Variants in DNAAF5 observed in about 807,000 individuals in gnomAD.
DNAAF5 encodes dynein axonemal assembly factor 5, also known as HEAT repeat containing 2.
A neutral mutation model predicts 75.8 loss-of-function variants in DNAAF5; 64 were observed. That is an observed-to-expected ratio of 0.84 (90% CI 0.69 to 1.04). The LOEUF is 1.04. Ranked by LOEUF, DNAAF5 falls within the 50% of genes least tolerant of loss-of-function variation. DNAAF5 has a pLI of 0.00. For synonymous variants in DNAAF5, 657 were observed against 557.2 expected, an observed-to-expected ratio of 1.18 and a Z score of -2.52; for missense variants, 1,269 against 1,178.5, an observed-to-expected ratio of 1.08 and a Z score of -1.12.
chr7:755,600 C>G (rs371374516), intron 5 of DNAAF5, among the ~76,000 whole-genome samples: 1 of 152,158 alleles, frequency 6.6e-6, no homozygotes, highest in South Asian at 2.1e-4. Flanking sequence ...AGCGTAGTGG[C>G]GTGCACCTGT....
chr7:741,248 C>A (rs776501019), intron 3 of DNAAF5, 99 bp from the exon 4 acceptor site: 7 of 886,048 alleles, frequency 7.9e-6, no homozygotes, highest in Non-Finnish European at 1.2e-5. Flanking sequence ...CCCGCTCTCA[C>A]GCAATGGGGT....
At chr7:776,291 G>A (rs1490238057) in intron 11 of DNAAF5, among the ~76,000 whole-genome samples, 1 of 151,896 alleles carries the variant, frequency 6.6e-6, no homozygotes, top group Non-Finnish European at 1.5e-5. Flanking sequence ...AGCCAAGATC[G>A]CACCATTGCA....
At chr7:741,765 G>T (rs949712791) in intron 4 of DNAAF5, among the ~76,000 whole-genome samples, 3 of 152,152 alleles carry the variant, frequency 2.0e-5, no homozygotes, top group African/African-American at 4.8e-5. Flanking sequence ...GATGGTGTCC[G>T]CCCCCCTCCG....
At position 745,690 on chromosome 7, in the gene DNAAF5, T is replaced by C. The variant is rs199890448; in HGVS notation, c.1024+4225T>C. 3.5e-5 allele frequency among the ~76,000 whole-genome samples: 4 copies of C among 113,076 alleles called. No individual in the cohort carries two copies. In the East Asian group the frequency reaches 1.1e-3, roughly 31 times the overall value. The allele number at this position is 113,076 out of a possible 152,430, so 74.2% of individuals were successfully genotyped here. A position where few individuals can be genotyped will look rare whatever the true frequency, so the allele number is the denominator to read the frequency against. On this transcript the variant is annotated intron_variant, in intron 4 of 12. Transcript: ENST00000297440. ...ACACACGTGTACACACATATACACATCTGCACACGTGTGTACATGCATATC... is the reference window on the plus strand; with the variant it reads ...ACACACGTGTACACACATATACACACCTGCACACGTGTGTACATGCATATC...
intron 1 of DNAAF5, among the ~76,000 whole-genome samples, chr7:728,064 A>G (rs1781422883): frequency 6.6e-6 from 1 of 151,842 alleles, no homozygotes; most frequent in South Asian, 2.1e-4. Flanking sequence ...GGCTTGGACC[A>G]CTGTCCTAAG....
chr7:752,167 C>A (rs1447760669), intron 4 of DNAAF5, among the ~76,000 whole-genome samples: 1 of 152,206 alleles, frequency 6.6e-6, no homozygotes, highest in Non-Finnish European at 1.5e-5. Flanking sequence ...TTAATGGCAT[C>A]TTTTAATAAG....
chr7:750,826 G>C (rs1782268992), intron 4 of DNAAF5: 1 of 167,000 alleles, frequency 6.0e-6, no homozygotes, highest in Non-Finnish European at 1.5e-5. Flanking sequence ...CCCCTCCCCG[G>C]CTGTTCCTGG....
intron 2 of DNAAF5, among the ~76,000 whole-genome samples, chr7:740,342 C>G (rs1271616391): frequency 1.3e-5 from 2 of 152,218 alleles, no homozygotes; most frequent in Non-Finnish European, 2.9e-5. Flanking sequence ...TCCAGAGTCC[C>G]TGGGCTCTGG....
At chr7:767,172 G>T (rs953444732) in intron 8 of DNAAF5, among the ~76,000 whole-genome samples, 3 of 151,358 alleles carry the variant, frequency 2.0e-5, no homozygotes, top group African/African-American at 7.3e-5. Context: ...CCAGGAGACG[G>T]GGCTTGCAGT....
At chr7:784,300 C>T (rs926506464) in intron 12 of DNAAF5, among the ~76,000 whole-genome samples, 4 of 152,224 alleles carry the variant, frequency 2.6e-5, no homozygotes, top group Admixed American at 6.5e-5. Context: ...TTCTCCTGGC[C>T]TCAGCTCCAC....
chr7:774,965 G>A (rs1187707708), intron 10 of DNAAF5, 41 bp from the exon 11 acceptor site: 3 of 1,608,380 alleles, frequency 1.9e-6, no homozygotes, highest in Non-Finnish European at 2.6e-6. Flanking sequence ...CCCCACCCCA[G>A]GACAGATGTG....
intron 8 of DNAAF5, chr7:769,200 C>T: frequency 1.3e-6 from 1 of 772,652 alleles, no homozygotes; most frequent in South Asian, 1.4e-5. Flanking sequence ...CCAGCAACGG[C>T]TCAAGGTGAC....
At chr7:774,571 T>C (rs2128084979) in intron 10 of DNAAF5, among the ~76,000 whole-genome samples, 1 of 129,348 alleles carries the variant, frequency 7.7e-6, no homozygotes, top group African/African-American at 2.8e-5. Context: ...ATCGTTTCTA[T>C]GAACACCTCC....
intron 4 of DNAAF5, among the ~76,000 whole-genome samples, chr7:746,550 C>A (rs1782117439): frequency 1.4e-5 from 2 of 144,076 alleles, no homozygotes; most frequent in Admixed American, 1.4e-4. Flanking sequence ...CCCTTTCCCC[C>A]GCCCGCCGTG....
chr7:731,606 C>A (rs1296599082), intron 2 of DNAAF5, among the ~76,000 whole-genome samples: 1 of 152,256 alleles, frequency 6.6e-6, no homozygotes, highest in Non-Finnish European at 1.5e-5. Flanking sequence ...GGGCCACATG[C>A]AGCCCGGGAC....
chr7:749,922 C>T (rs1398329782), intron 4 of DNAAF5, among the ~76,000 whole-genome samples: 1 of 152,210 alleles, frequency 6.6e-6, no homozygotes, highest in African/African-American at 2.4e-5. Context: ...TGGTCTCCAA[C>T]TCCTGGCCTC....
rs145951674 is a variant in DNAAF5, at chr7:741,064, G to A, written c.905+121G>A. 0.015 allele frequency: 18,052 copies of A among 1,202,382 alleles called. 181 individuals are homozygous for A. The highest frequency in any genetic ancestry group is 0.018 in the Non-Finnish European group (15,248 of 850,834). 74.5% of individuals were successfully genotyped at this position (1,202,382 alleles called of 1,614,324 possible). A position where few individuals can be genotyped will look rare whatever the true frequency, so the allele number is the denominator to read the frequency against. On this transcript the variant is annotated intron_variant, in intron 3 of 12. Coordinates refer to ENST00000297440, the MANE Select transcript of DNAAF5 (RefSeq NM_017802.4). ...TGGTGTCCCTTTGTCCCTGTGCTCC[G>A]AAGGGATGTGCCGTACAGAAGTCGT...
At chr7:763,226 C>T (rs887258340) in intron 7 of DNAAF5, among the ~76,000 whole-genome samples, 2 of 152,168 alleles carry the variant, frequency 1.3e-5, no homozygotes, top group Admixed American at 6.5e-5. Context: ...AAAGCAAAGT[C>T]TTTGCCTGCT....
At chr7:734,054 A>G (rs1249358602) in intron 2 of DNAAF5, among the ~76,000 whole-genome samples, 1 of 152,222 alleles carries the variant, frequency 6.6e-6, no homozygotes, top group African/African-American at 2.4e-5. Flanking sequence ...TCATCTGCAA[A>G]CAAGAATAAT....
Sources: gnomAD v4.1 joint callset for allele counts (sites outside exome capture counted in the v4.1 genomes callset) on GRCh38, gnomAD v4.1.1 for gene constraint, MANE v1.5 for transcripts, NCBI Gene and HGNC (gene_info 2026-07-23, HGNC 2026-07-21) for gene names.